Variants in KIAA0232 observed in about 807,000 individuals in gnomAD.
KIAA0232 encodes uncharacterized protein KIAA0232.
KIAA0232 carries 27 observed loss-of-function variants against 122.0 expected under a neutral mutation model. The ratio of observed to expected loss-of-function variants is 0.22; its 90% CI spans 0.16 to 0.31. KIAA0232 has a LOEUF of 0.31. KIAA0232 is among the 10% of genes least tolerant of loss of function. The pLI is 1.00. For synonymous variants in KIAA0232, 613 were observed against 587.6 expected, an observed-to-expected ratio of 1.04 and a Z score of -0.63; for missense variants, 1,551 against 1,634.2, an observed-to-expected ratio of 0.95 and a Z score of 0.88.
intron 2 of KIAA0232, among the ~76,000 whole-genome samples, chr4:6,809,851 G>T (rs907685654): frequency 6.6e-6 from 1 of 151,916 alleles, no homozygotes. Context: ...AAAAAACAAG[G>T]TACCTAGGAA....
rs114421016 is a variant in KIAA0232 at position 6,826,647 on chromosome 4, T to A, written c.231+1963T>A. Among the ~76,000 whole-genome samples, 337 of 152,090 alleles carry A rather than the reference T, an allele frequency of 2.2e-3. 3 individuals are homozygous for A. Among genetic ancestry groups the A allele is most frequent in the African/African-American group, 7.6e-3 (316 of 41,510 alleles). On this transcript the variant is annotated intron_variant, in intron 3 of 9. Coordinates refer to ENST00000307659, the MANE Select transcript of KIAA0232 (RefSeq NM_014743.3). ...TGTCTCCTGAGTAGCTGGAACCACA[T>A]GTGTGTGGCACCCCACCCAGCTAAT...
intron 1 of KIAA0232, among the ~76,000 whole-genome samples, chr4:6,793,805 A>G (rs1717011375): frequency 6.6e-6 from 1 of 152,052 alleles, no homozygotes; most frequent in Non-Finnish European, 1.5e-5. Flanking sequence ...CCTCCTGAGA[A>G]CTCTGAGAGA....
At chr4:6,878,671 G>A (rs1269822330) in intron 9 of KIAA0232, among the ~76,000 whole-genome samples, 2 of 152,074 alleles carry the variant, frequency 1.3e-5, no homozygotes, top group Non-Finnish European at 2.9e-5. Context: ...TTTTCCCGGT[G>A]GAGTGACCTA....
At position 6,855,813 on chromosome 4, in the gene KIAA0232, A is replaced by G. The variant is rs1720539790; in HGVS notation, c.370-1351A>G. ...AGGCTTGCTGTACAGAACAGTATGC[A>G]GTGTGTCAGCTGACACTGGTGTTGG... On this transcript the variant is annotated intron_variant, in intron 4 of 9. Transcript: ENST00000307659. The surrounding 1 kb of genome is among the most constrained non-coding windows in gnomAD (Gnocchi z 4.3). 1 of 983,996 alleles carries G rather than the reference A, an allele frequency of 1.0e-6. No individual in the cohort carries two copies. Among genetic ancestry groups the G allele is most frequent in the Non-Finnish European group, 1.2e-6 (1 of 828,622 alleles). 61.0% of individuals were successfully genotyped at this position (983,996 alleles called of 1,614,324 possible). A position where few individuals can be genotyped will look rare whatever the true frequency, so the allele number is the denominator to read the frequency against.
chr4:6,822,309 A>G (rs1718460753), intron 2 of KIAA0232, among the ~76,000 whole-genome samples: 1 of 152,224 alleles, frequency 6.6e-6, no homozygotes, highest in Non-Finnish European at 1.5e-5. Flanking sequence ...TGTATTAGTG[A>G]CACATTAATT....
intron 1 of KIAA0232, among the ~76,000 whole-genome samples, chr4:6,792,933 G>A (rs544549350): frequency 1.2e-4 from 19 of 152,150 alleles, no homozygotes; most frequent in Admixed American, 5.9e-4. Flanking sequence ...TGATCCGCCT[G>A]CCTCAGCCTC....
At position 6,862,462 on chromosome 4, in the gene KIAA0232, A is replaced by G; in HGVS notation, c.2080A>G (p.Asn694Asp). Residue 694 changes from asparagine to aspartate, a missense_variant, in exon 7 of 10, where the codon AAT (asparagine) becomes GAT (aspartate). By Grantham distance (23) the Asn-to-Asp change is conservative. Coordinates refer to ENST00000307659, the MANE Select transcript of KIAA0232 (RefSeq NM_014743.3). ...TQSRLLIWTKNSAFEENEHCS... is the reference protein window; with the variant it reads ...TQSRLLIWTKDSAFEENEHCS... ...GTCTAGATTGCTAATATGGACCAAA[A>G]ATAGTGCCTTTGAAGAAAATGAACA... 1 of 1,614,178 alleles carries G rather than the reference A, an allele frequency of 6.2e-7. No homozygotes were observed. Among genetic ancestry groups the G allele is most frequent in the Non-Finnish European group, 8.5e-7 (1 of 1,180,020 alleles).
intron 3 of KIAA0232, among the ~76,000 whole-genome samples, chr4:6,835,067 G>C (rs569040476): frequency 6.6e-6 from 1 of 152,312 alleles, no homozygotes; most frequent in South Asian, 2.1e-4. Context: ...CAGACAGGCT[G>C]AGCTGGAAGG....
chr4:6,817,594 A>AT (rs1718194671), intron 2 of KIAA0232, among the ~76,000 whole-genome samples: 2 of 152,154 alleles, frequency 1.3e-5, no homozygotes, highest in African/African-American at 4.8e-5. Flanking sequence ...ACCAGTTATA[A>AT]TTCCATGTGG....
intron 2 of KIAA0232, among the ~76,000 whole-genome samples, chr4:6,808,093 C>G (rs779164430): frequency 2.0e-5 from 3 of 151,948 alleles, no homozygotes; most frequent in Non-Finnish European, 2.9e-5. Flanking sequence ...AAATAACAGA[C>G]AAGAATTATT....
rs954184609 is a variant in KIAA0232, at chr4:6,855,923, CTGTT to C, written c.370-1237_370-1234del. 2 of 917,944 alleles carry C rather than the reference CTGTT, an allele frequency of 2.2e-6. No homozygotes were observed. Among genetic ancestry groups the C allele is most frequent in the Non-Finnish European group, 2.6e-6 (2 of 768,412 alleles). The allele number at this position is 917,944 out of a possible 1,614,324, so 56.9% of individuals were successfully genotyped here. A position where few individuals can be genotyped will look rare whatever the true frequency, so the allele number is the denominator to read the frequency against. On this transcript the variant is annotated intron_variant, in intron 4 of 9. Coordinates refer to ENST00000307659, the MANE Select transcript of KIAA0232 (RefSeq NM_014743.3). This position sits in a 1 kb window ranked among gnomAD's most constrained non-coding sequence, Gnocchi z 4.3. ...GGTAAGCAGGTGCTTTCTGGTGCAA[CTGTT>C]TGTGGTTGAACAGTGTTTATGACTA...
intron 4 of KIAA0232, among the ~76,000 whole-genome samples, chr4:6,851,285 C>G (rs924326263): frequency 7.2e-5 from 11 of 152,190 alleles, no homozygotes; most frequent in African/African-American, 2.4e-4. Flanking sequence ...TCCAGACATT[C>G]AGCTCATAGC....
At position 6,815,216 on chromosome 4, in the gene KIAA0232, G is replaced by T. The variant is rs148147162; in HGVS notation, c.-269-8969G>T. Among the ~76,000 whole-genome samples, 4 of 152,268 alleles carry T rather than the reference G, an allele frequency of 2.6e-5. No homozygotes were observed. In the East Asian group the frequency reaches 7.7e-4, roughly 29 times the overall value. On this transcript the variant is annotated intron_variant, in intron 2 of 9. Transcript: ENST00000307659. ...GCCAGTTGTGTTCCTCATCATGCCAGGTGAATAAACATGGGTTTTTGCCTG... is the reference window on the plus strand; with the variant it reads ...GCCAGTTGTGTTCCTCATCATGCCATGTGAATAAACATGGGTTTTTGCCTG...
At chr4:6,856,534 C>T (rs1259785722) in intron 4 of KIAA0232, among the ~76,000 whole-genome samples, 1 of 152,120 alleles carries the variant, frequency 6.6e-6, no homozygotes, top group Non-Finnish European at 1.5e-5. Context: ...TATGTACTCT[C>T]CTTAAATTTT....
chr4:6,844,734 C>A (rs1719862635), intron 4 of KIAA0232, among the ~76,000 whole-genome samples: 1 of 152,160 alleles, frequency 6.6e-6, no homozygotes, highest in South Asian at 2.1e-4. Flanking sequence ...CCGTGCCTGG[C>A]CAGCTTCTTA....
At chr4:6,842,607 A>G (rs1017928136) in intron 4 of KIAA0232, among the ~76,000 whole-genome samples, 8 of 147,392 alleles carry the variant, frequency 5.4e-5, no homozygotes, top group African/African-American at 2.0e-4. Context: ...TTTTTTTAAG[A>G]CAGTGTCTCA....
intron 3 of KIAA0232, among the ~76,000 whole-genome samples, chr4:6,837,881 C>G (rs1719411999): frequency 1.3e-5 from 2 of 150,876 alleles, no homozygotes; most frequent in Admixed American, 6.6e-5. Context: ...CCAGCCTTGG[C>G]TGGGCATTAG....
intron 4 of KIAA0232, among the ~76,000 whole-genome samples, chr4:6,850,687 T>C (rs1412772103): frequency 6.6e-6 from 1 of 151,342 alleles, no homozygotes; most frequent in Non-Finnish European, 1.5e-5. Context: ...TTTTTTTTTT[T>C]AGACGGAGTC....
rs1224084000 is a variant in KIAA0232, at chr4:6,863,572, G to A, written c.3190G>A (p.Ala1064Thr). The change falls in exon 7 of 10, where the codon GCA becomes ACA. Residue 1064 changes from alanine to threonine, a missense_variant. By Grantham distance (58) the Ala-to-Thr change is moderately conservative. This residue lies in a region of KIAA0232 where 1,108 missense variants were observed against 1,154.8 expected (regional missense o/e 0.96). Coordinates refer to ENST00000307659, the MANE Select transcript of KIAA0232 (RefSeq NM_014743.3). The part of the protein sequence containing the change: ...VECSFEPEGI[A>T]SFSPSFKPKS... ...ATGCTCATTTGAACCTGAAGGGATT[G>A]CATCTTTCAGCCCCAGTTTTAAACC... 2 of 1,614,154 alleles carry A rather than the reference G, an allele frequency of 1.2e-6. No homozygotes were observed. The highest frequency in any genetic ancestry group is 1.7e-5 in the Admixed American group (1 of 60,014).
Sources: gnomAD v4.1 joint callset for allele counts (sites outside exome capture counted in the v4.1 genomes callset) on GRCh38, gnomAD v4.1.1 for gene constraint, gnomAD v4.1.1 regional missense constraint, Gnocchi (gnomAD v3.1) non-coding constraint, MANE v1.5 for transcripts, NCBI Gene and HGNC (gene_info 2026-07-23, HGNC 2026-07-21) for gene names.